The following POU6F2 variants were observed in gnomAD, a reference collection of about 807,000 sequenced individuals.
The protein encoded by POU6F2 is POU class 6 homeobox 2, also known as POU domain, class 6, transcription factor 2.
POU6F2 carries 31 observed loss-of-function variants against 71.3 expected under a neutral mutation model. The ratio of observed to expected loss-of-function variants is 0.43; its 90% CI spans 0.33 to 0.59. The LOEUF is 0.59. POU6F2 is among the 20% of genes least tolerant of loss of function. POU6F2 has a pLI of 0.04. For synonymous variants in POU6F2, 347 were observed against 355.7 expected (o/e 0.98, Z 0.27); for missense variants, 783 against 856.8 (o/e 0.91, Z 1.07).
chr7:39,071,227 C>T (rs1051583370), intron 1 of POU6F2, among the ~76,000 whole-genome samples: 3 of 151,914 alleles, frequency 2.0e-5, no homozygotes, highest in African/African-American at 7.3e-5. Flanking sequence ...ATTAGATTCT[C>T]ACAAGGAATG....
chr7:39,442,798 A>T (rs1373657686), intron 7 of POU6F2, among the ~76,000 whole-genome samples: 2 of 152,196 alleles, frequency 1.3e-5, no homozygotes, highest in Non-Finnish European at 2.9e-5. Flanking sequence ...AGCCAGTTGT[A>T]AATTGCCAAA....
chr7:39,259,555 G>A (rs1583480032), intron 4 of POU6F2, among the ~76,000 whole-genome samples: 1 of 152,160 alleles, frequency 6.6e-6, no homozygotes, highest in African/African-American at 2.4e-5. Flanking sequence ...TCCTCCTTGA[G>A]CACGTTCCAA....
At chr7:39,020,666 C>T (rs182286663) in intron 1 of POU6F2, among the ~76,000 whole-genome samples, 3 of 152,154 alleles carry the variant, frequency 2.0e-5, no homozygotes, top group East Asian at 3.9e-4. Flanking sequence ...TATTTTTTAT[C>T]TACTTGATCT....
intron 7 of POU6F2, among the ~76,000 whole-genome samples, chr7:39,437,987 G>T (rs1422856170): frequency 1.3e-5 from 2 of 151,772 alleles, no homozygotes; most frequent in East Asian, 3.9e-4. Flanking sequence ...GGGTACATGT[G>T]CACAACGTGC....
At chr7:39,225,050 C>T (rs972727205) in intron 4 of POU6F2, among the ~76,000 whole-genome samples, 1 of 152,138 alleles carries the variant, frequency 6.6e-6, no homozygotes, top group African/African-American at 2.4e-5. Context: ...CATAGAAATA[C>T]CATTTATGAA....
intron 1 of POU6F2, among the ~76,000 whole-genome samples, chr7:39,051,278 G>C (rs1256003885): frequency 6.6e-6 from 1 of 152,134 alleles, no homozygotes; most frequent in Non-Finnish European, 1.5e-5. Flanking sequence ...CCACAAGAGT[G>C]GCATCACTGA....
intron 1 of POU6F2, among the ~76,000 whole-genome samples, chr7:39,036,995 C>T (rs1790080796): frequency 6.6e-6 from 1 of 151,868 alleles, no homozygotes. Flanking sequence ...ACTATTTCAT[C>T]ACCCTGATAC....
At chr7:39,150,097 A>G (rs1412994607) in intron 2 of POU6F2, among the ~76,000 whole-genome samples, 1 of 151,978 alleles carries the variant, frequency 6.6e-6, no homozygotes, top group Non-Finnish European at 1.5e-5. Context: ...CTGTTAGCCA[A>G]GATGGTCTCA....
intron 1 of POU6F2, among the ~76,000 whole-genome samples, chr7:39,023,760 C>T (rs754120151): frequency 3.9e-5 from 6 of 152,060 alleles, no homozygotes; most frequent in Non-Finnish European, 8.8e-5. Context: ...AACTATGATA[C>T]AGGTTCCATT....
intron 4 of POU6F2, among the ~76,000 whole-genome samples, chr7:39,293,361 T>G (rs555638128): frequency 2.0e-5 from 3 of 152,320 alleles, no homozygotes; most frequent in Admixed American, 2.0e-4. Flanking sequence ...TCAGTGTGCT[T>G]CTGACAATCC....
At position 39,015,915 on chromosome 7, in the gene POU6F2, T is replaced by TAGA. The variant is rs1369013026; in HGVS notation, c.105+37857_105+37858insAGA. On this transcript the variant is annotated intron_variant, in intron 1 of 9. Transcript: ENST00000518318. ...ATTATATATAGATATATATTATATA[T>TAGA]TATATATAGATATATATAATATATA... 1.1e-3 allele frequency among the ~76,000 whole-genome samples: 64 copies of TAGA among 59,796 alleles called. 1 individual carries two copies. Among genetic ancestry groups the TAGA allele is most frequent in the Non-Finnish European group, 1.6e-3 (53 of 33,482 alleles). The allele number at this position is 59,796 out of a possible 152,430, so 39.2% of individuals were successfully genotyped here. A position where few individuals can be genotyped will look rare whatever the true frequency, so the allele number is the denominator to read the frequency against.
intron 2 of POU6F2, among the ~76,000 whole-genome samples, chr7:39,179,797 G>A (rs932842209): frequency 2.0e-5 from 3 of 152,318 alleles, no homozygotes; most frequent in Non-Finnish European, 4.4e-5. Flanking sequence ...CAGAGCTGGT[G>A]GGGAGCTGGG....
intron 1 of POU6F2, among the ~76,000 whole-genome samples, chr7:39,030,518 A>G (rs796180376): frequency 1.8e-5 from 2 of 111,160 alleles, no homozygotes; most frequent in African/African-American, 6.6e-5. Flanking sequence ...ATATATATAT[A>G]TATATATATA....
chr7:39,428,580 A>G (rs1023901396), intron 6 of POU6F2, among the ~76,000 whole-genome samples: 5 of 152,192 alleles, frequency 3.3e-5, no homozygotes, highest in African/African-American at 1.2e-4. Flanking sequence ...TGCTTTTTGA[A>G]TTGAAGCAAA....
intron 4 of POU6F2, among the ~76,000 whole-genome samples, chr7:39,236,293 A>G (rs1794675008): frequency 6.6e-6 from 1 of 152,226 alleles, no homozygotes; most frequent in East Asian, 1.9e-4. Flanking sequence ...CTCTGAGAAT[A>G]TAACTAAGCG....
chr7:39,375,639 A>G (rs1330837964), intron 5 of POU6F2, among the ~76,000 whole-genome samples: 1 of 151,378 alleles, frequency 6.6e-6, no homozygotes, highest in Non-Finnish European at 1.5e-5. Context: ...TTTTTTTTCA[A>G]ATATTTAAGA....
chr7:39,127,277 C>T (rs1279843297), intron 2 of POU6F2, among the ~76,000 whole-genome samples: 1 of 152,134 alleles, frequency 6.6e-6, no homozygotes, highest in Non-Finnish European at 1.5e-5. Flanking sequence ...ATAAGACAGA[C>T]ATGGTGACTC....
Position 39,124,550 on chromosome 7 carries a change from G to A in POU6F2, c.277+38519G>A, listed in dbSNP as rs552803838. 5.9e-5 allele frequency among the ~76,000 whole-genome samples: 9 copies of A among 152,304 alleles called. 1 individual carries two copies. In the South Asian group the frequency reaches 1.2e-3, roughly 21 times the overall value. On this transcript the variant is annotated intron_variant, in intron 2 of 9. Transcript: ENST00000518318. ...ACAAGAGTAGTTTCTGAGATGTATG[G>A]AAGTATTGAAGAGTTTAATTATATT...
intron 1 of POU6F2, among the ~76,000 whole-genome samples, chr7:38,993,646 A>ACACACACACG (rs1379408807): frequency 6.6e-6 from 1 of 150,496 alleles, no homozygotes; most frequent in Admixed American, 6.6e-5. Context: ...ACACACACAC[A>ACACACACACG]CATCAGTGGT....
Sources: allele counts gnomAD v4.1 joint callset (sites outside exome capture counted in the v4.1 genomes callset), GRCh38; gene constraint gnomAD v4.1.1; transcripts MANE v1.5; gene names NCBI Gene and HGNC (gene_info 2026-07-23, HGNC 2026-07-21).